The following NHS variants were observed in gnomAD, a reference collection of about 807,000 sequenced individuals.
NHS encodes NHS actin remodeling regulator.
Under a neutral mutation model 72.5 loss-of-function variants are expected in NHS, and 5 were observed. That is an observed-to-expected ratio of 0.07 (90% CI 0.04 to 0.14). The LOEUF (loss-of-function observed/expected upper bound fraction) is 0.14. Among genes scored for constraint, NHS ranks in the 10% least tolerant of loss-of-function variants. NHS has a pLI of 1.00. For missense variants in NHS, 1,072 were observed against 1,355.7 expected, an observed-to-expected ratio of 0.79 and a Z score of 3.29; for synonymous variants, 464 against 547.7, an observed-to-expected ratio of 0.85 and a Z score of 2.13.
Position 17,556,730 on chromosome X carries a change from A to G in NHS, c.566-131012A>G, listed in dbSNP as rs140679871. ...CAAGAATCAGTTTAGATAATGATAT[A>G]ATAATTACCATCAGTAGCATTATCA... is the stretch of plus-strand genomic sequence containing the variant. On this transcript the variant is annotated intron_variant, in intron 1 of 8. Coordinates refer to ENST00000676302, the MANE Select transcript of NHS (RefSeq NM_001291867.2). Among the ~76,000 whole-genome samples the G allele has an allele frequency of 5.3e-3, 594 of 112,203 alleles. 5 individuals carry two copies. Among genetic ancestry groups the G allele is most frequent in the African/African-American group, 0.019 (575 of 30,885 alleles).
chrX:17,379,466 G>A (rs2064364286), intron 1 of NHS, among the ~76,000 whole-genome samples: 1 of 112,113 alleles, frequency 8.9e-6, no homozygotes, highest in Admixed American at 9.4e-5. Context: ...GTTTTTGCTT[G>A]AAAAGCTTAA....
chrX:17,601,996 A>G (rs1235531376), intron 1 of NHS, among the ~76,000 whole-genome samples: 1 of 112,049 alleles, frequency 8.9e-6, no homozygotes, highest in African/African-American at 3.2e-5. Flanking sequence ...GTTCTCTTAC[A>G]AACTTGGCTT....
chrX:17,508,467 G>T (rs375345433), intron 1 of NHS, among the ~76,000 whole-genome samples: 24 of 106,790 alleles, frequency 2.2e-4, no homozygotes, highest in African/African-American at 8.0e-4. Flanking sequence ...TATCTTTTTT[G>T]TTGTTGTTTG....
In NHS at chrX:17,687,822, C is replaced by G. The variant is rs150379955; in HGVS notation, c.646C>G (p.Pro216Ala). ...PWHQQRNIFLPATRPPCVEEL... is the reference protein window; with the variant it reads ...PWHQQRNIFLAATRPPCVEEL... ...GCACCAGCAGCGCAACATCTTCCTC[C>G]CAGCCACAAGGCCACCCTGCGTGGA... is the stretch of plus-strand genomic sequence containing the variant. Residue 216 changes from proline to alanine, a missense_variant, in exon 2 of 9, where the codon CCA (proline) becomes GCA (alanine). Physicochemically the swap from Pro to Ala is conservative, Grantham distance 27 (BLOSUM62 -1). Transcript: ENST00000676302. 7 of 1,210,530 alleles carry G rather than the reference C, an allele frequency of 5.8e-6. No homozygotes were observed. In the African/African-American group the frequency reaches 1.2e-4, roughly 21 times the overall value.
chrX:17,635,383 A>T, intron 1 of NHS: 1 of 1,150,892 alleles, frequency 8.7e-7, no homozygotes, highest in Non-Finnish European at 1.2e-6. Flanking sequence ...GGAGTCCTAG[A>T]TGCAGCACAG....
intron 1 of NHS, among the ~76,000 whole-genome samples, chrX:17,575,818 C>T (rs984755932): frequency 1.8e-5 from 2 of 111,629 alleles, no homozygotes; most frequent in African/African-American, 6.5e-5. Context: ...TATTTGGAAG[C>T]ATGAAGGGTT....
intron 1 of NHS, among the ~76,000 whole-genome samples, chrX:17,674,023 G>A (rs1049539826): frequency 9.0e-6 from 1 of 111,594 alleles, no homozygotes; most frequent in Non-Finnish European, 1.9e-5. Flanking sequence ...ACTGCTTGAC[G>A]GCACTGACGG....
At chrX:17,401,503 T>C (rs1181452135) in intron 1 of NHS, among the ~76,000 whole-genome samples, 1 of 112,312 alleles carries the variant, frequency 8.9e-6, no homozygotes, top group Non-Finnish European at 1.9e-5. Flanking sequence ...TTGTATTAGT[T>C]TCCTAGGGCT....
intron 1 of NHS, among the ~76,000 whole-genome samples, chrX:17,450,867 A>G (rs1014828566): frequency 2.7e-5 from 3 of 110,775 alleles, no homozygotes; most frequent in Non-Finnish European, 5.7e-5. Context: ...CAAGAGAGAA[A>G]CTCCGTCTAA....
At chrX:17,704,273 A>C (rs907046714) in intron 3 of NHS, among the ~76,000 whole-genome samples, 1 of 109,334 alleles carries the variant, frequency 9.1e-6, no homozygotes, top group Non-Finnish European at 1.9e-5. Flanking sequence ...GTGAGACTCT[A>C]TCTCTAAAAA....
chrX:17,614,682 T>A (rs2065728818), intron 1 of NHS, among the ~76,000 whole-genome samples: 2 of 111,456 alleles, frequency 1.8e-5, no homozygotes, highest in Admixed American at 1.9e-4. Flanking sequence ...CTACCTCACG[T>A]TTGAAAATTA....
intron 1 of NHS, among the ~76,000 whole-genome samples, chrX:17,478,907 G>T (rs1240279339): frequency 9.0e-6 from 1 of 111,426 alleles, no homozygotes; most frequent in Non-Finnish European, 1.9e-5. Context: ...AATTTTATTT[G>T]AATTTTTTTA....
chrX:17,621,519 C>A (rs989853425), intron 1 of NHS, among the ~76,000 whole-genome samples: 3 of 111,922 alleles, frequency 2.7e-5, no homozygotes, highest in African/African-American at 9.8e-5. Context: ...AATGTTTAAC[C>A]ACTTGATTTT....
chrX:17,449,843 T>A (rs1022021944), intron 1 of NHS, among the ~76,000 whole-genome samples: 3 of 111,886 alleles, frequency 2.7e-5, no homozygotes, highest in South Asian at 7.5e-4. Context: ...TTATTTTTTT[T>A]ATTTGTATTT....
chrX:17,465,122 C>A (rs758483414), intron 1 of NHS, among the ~76,000 whole-genome samples: 237 of 111,855 alleles, frequency 2.1e-3, no homozygotes, highest in African/African-American at 7.3e-3. Context: ...TTTATGGGGG[C>A]AGCAAGGAGA....
At chrX:17,566,144 T>C (rs781085929) in intron 1 of NHS, among the ~76,000 whole-genome samples, 1 of 109,985 alleles carries the variant, frequency 9.1e-6, no homozygotes, top group South Asian at 4.0e-4. Flanking sequence ...CACACCCAGC[T>C]AATTTTTAAT....
intron 1 of NHS, among the ~76,000 whole-genome samples, chrX:17,474,002 G>A (rs913712464): frequency 5.4e-5 from 6 of 110,733 alleles, no homozygotes; most frequent in South Asian, 3.8e-4. Flanking sequence ...AGGGGTTTGC[G>A]GTACAGATTA....
In NHS at chrX:17,692,407, C is replaced by T. The variant is rs1333052372; in HGVS notation, c.791C>T (p.Pro264Leu). Residue 264 changes from proline to leucine, a missense_variant, in exon 3 of 9, where the codon CCA becomes CTA. Coordinates refer to ENST00000676302, the MANE Select transcript of NHS (RefSeq NM_001291867.2). ...APLSIAAPPL[P>L]AYPPAHSQRR... ...CTTTCCATTGCAGCTCCTCCACTGC[C>T]AGCCTACCCTCCAGCTCACAGCCAG... 2.5e-6 allele frequency: 3 copies of T among 1,207,930 alleles called. No homozygotes were observed. The highest frequency in any genetic ancestry group is 1.1e-6 in the Non-Finnish European group (1 of 894,735).
intron 1 of NHS, among the ~76,000 whole-genome samples, chrX:17,515,619 C>CT (rs1003414014): frequency 8.9e-6 from 1 of 111,800 alleles, no homozygotes; most frequent in Admixed American, 9.5e-5. Context: ...TCTGGAAAAC[C>CT]TTTTAGGATC....
Sources: allele counts gnomAD v4.1 joint callset (sites outside exome capture counted in the v4.1 genomes callset), GRCh38; gene constraint gnomAD v4.1.1; transcripts MANE v1.5; gene names NCBI Gene and HGNC (gene_info 2026-07-23, HGNC 2026-07-21).